Variants in PCDHA9 observed in about 807,000 individuals in gnomAD.
The protein encoded by PCDHA9 is protocadherin alpha-9.
Under a neutral mutation model 62.0 loss-of-function variants are expected in PCDHA9, and 62 were observed. That is an observed-to-expected ratio of 1.00 (90% CI 0.81 to 1.23). The LOEUF is 1.23. Ranked by LOEUF, PCDHA9 falls within the 50% of genes most tolerant of loss-of-function variation. The pLI is 0.00. For missense variants in PCDHA9, 1,205 were observed against 1,249.8 expected (o/e 0.96, Z 0.54); for synonymous variants, 557 against 567.6 (o/e 0.98, Z 0.27).
rs1214081504 is a variant in PCDHA9, at chr5:140,848,716, T to C, written c.221T>C (p.Leu74Pro). The change falls in exon 1 of 4, where the codon CTT (leucine) becomes CCT (proline). Residue 74 changes from leucine to proline, a missense_variant. Around this residue, in one of 3 missense-constraint regions of PCDHA9, gnomAD observed 208 missense variants for 213.2 expected, o/e 0.98. Coordinates refer to ENST00000532602, the MANE Select transcript of PCDHA9 (RefSeq NM_031857.2). Reference sequence around the variant, plus strand: ...TTGGATTCCAAAGGCCGCGGGGACCTTCTGGAGGTAAATCTGCAGAATGGC... The same window carrying C: ...TTGGATTCCAAAGGCCGCGGGGACCCTCTGGAGGTAAATCTGCAGAATGGC... ...FQLDSKGRGDLLEVNLQNGIL... is the reference protein window; with the variant it reads ...FQLDSKGRGDPLEVNLQNGIL... 1 of 1,592,460 alleles carries C rather than the reference T, an allele frequency of 6.3e-7. No homozygotes were observed.
intron 3 of PCDHA9, among the ~76,000 whole-genome samples, chr5:140,996,604 A>G (rs1554255259): frequency 1.3e-5 from 2 of 152,090 alleles, no homozygotes; most frequent in African/African-American, 4.8e-5. Flanking sequence ...CCCCATTTTC[A>G]TTTGGCAAAT....
At chr5:140,988,860 T>C (rs1270376752) in intron 3 of PCDHA9, 2 of 152,204 alleles carry the variant, frequency 1.3e-5, no homozygotes, top group South Asian at 2.1e-4. Flanking sequence ...TCCAGTCTCA[T>C]GTGCACTCAG....
At chr5:140,982,318 G>A (rs2096977750) in intron 2 of PCDHA9, 157 bp from the exon 3 acceptor site, 3 of 1,356,910 alleles carry the variant, frequency 2.2e-6, no homozygotes, top group Non-Finnish European at 2.9e-6. Context: ...AGTTTATGCA[G>A]GGTGACTGCT....
intron 1 of PCDHA9, among the ~76,000 whole-genome samples, chr5:140,894,375 T>G (rs1246573357): frequency 1.3e-5 from 2 of 152,054 alleles, no homozygotes; most frequent in Non-Finnish European, 2.9e-5. Context: ...ATGGCTCCAA[T>G]TATATTTGTA....
intron 1 of PCDHA9, chr5:140,868,990 G>T: frequency 6.6e-7 from 1 of 1,511,604 alleles, no homozygotes; most frequent in Non-Finnish European, 8.8e-7. Flanking sequence ...GGATGCCACC[G>T]TTTAAGGATC....
chr5:140,928,836 C>G, intron 1 of PCDHA9: 2 of 1,614,168 alleles, frequency 1.2e-6, no homozygotes, highest in South Asian at 2.2e-5. Context: ...CACTTTCCTC[C>G]TCTGTCACTC....
At chr5:140,858,289 T>A in intron 1 of PCDHA9, 2 of 1,597,184 alleles carry the variant, frequency 1.3e-6, no homozygotes, top group East Asian at 4.5e-5. Context: ...GGAGCTGGTC[T>A]TACTCGCAGC....
In PCDHA9 at chr5:140,857,092, G is replaced by A; in HGVS notation, c.2394+6203G>A. On this transcript the variant is annotated intron_variant, in intron 1 of 3. Coordinates refer to ENST00000532602, the MANE Select transcript of PCDHA9 (RefSeq NM_031857.2). ...TGGATGAAAATGATAATTCACCTGA[G>A]GTGATTGTCACTTCTCTGTCTCTCC... 5 of 1,597,300 alleles carry A rather than the reference G, an allele frequency of 3.1e-6. 1 individual carries two copies. Among genetic ancestry groups the A allele is most frequent in the Non-Finnish European group, 4.3e-6 (5 of 1,166,936 alleles).
Position 140,908,048 on chromosome 5 carries a change from C to T in PCDHA9, c.2394+57159C>T, listed in dbSNP as rs143198443. On this transcript the variant is annotated intron_variant, in intron 1 of 3. Transcript: ENST00000532602. The stretch of plus-strand genomic sequence containing the variant: ...ATTAATCAGTATATAATTGCACATC[C>T]GGCCATTTCTCCTTCATGAAAAGTG... 1.1e-3 allele frequency among the ~76,000 whole-genome samples: 169 copies of T among 152,294 alleles called. 1 individual carries two copies. The East Asian group carries it at 0.023, about 21-fold the overall frequency.
At chr5:140,943,321 G>C (rs1012061757) in intron 1 of PCDHA9, among the ~76,000 whole-genome samples, 3 of 150,454 alleles carry the variant, frequency 2.0e-5, no homozygotes, top group Non-Finnish European at 4.4e-5. Flanking sequence ...TAGCAATATT[G>C]TGTAGTATCC....
At chr5:140,981,630 A>G (rs1299640748) in intron 2 of PCDHA9, among the ~76,000 whole-genome samples, 1 of 152,110 alleles carries the variant, frequency 6.6e-6, no homozygotes, top group East Asian at 1.9e-4. Flanking sequence ...GTTTTCTTGG[A>G]CATTTTCTCT....
At chr5:140,855,966 TAAGAA>T in intron 1 of PCDHA9, 1 of 1,422,780 alleles carries the variant, frequency 7.0e-7, no homozygotes, top group Non-Finnish European at 9.5e-7. Context: ...AAAATAGATA[TAAGAA>T]ATAGGACAGA....
chr5:140,909,171 T>C (rs2074353484), intron 1 of PCDHA9, among the ~76,000 whole-genome samples: 1 of 152,208 alleles, frequency 6.6e-6, no homozygotes, highest in Non-Finnish European at 1.5e-5. Flanking sequence ...ATCAATCAAG[T>C]TCTCTCCAAA....
At chr5:140,966,641 A>C in intron 1 of PCDHA9, 5 of 1,104,534 alleles carry the variant, frequency 4.5e-6, no homozygotes, top group Non-Finnish European at 6.0e-6. Flanking sequence ...GGCGCTTTCT[A>C]GAGCGTGAGC....
At chr5:140,995,390 C>A (rs1198231096) in intron 3 of PCDHA9, among the ~76,000 whole-genome samples, 1 of 152,088 alleles carries the variant, frequency 6.6e-6, no homozygotes, top group Non-Finnish European at 1.5e-5. Flanking sequence ...CAGGATAAAG[C>A]GGGATGGCTC....
rs538891766 is a variant in PCDHA9 at position 140,931,784 on chromosome 5, A to G, written c.2395-47165A>G. The stretch of plus-strand genomic sequence containing the variant: ...TTTACTTCTTCCTGTTCAATTACCT[A>G]TTGATCTGATCTTAATTCTTTAGAA... On this transcript the variant is annotated intron_variant, in intron 1 of 3. Transcript: ENST00000532602. Among the ~76,000 whole-genome samples, 13 of 152,080 alleles carry G rather than the reference A, an allele frequency of 8.5e-5. No homozygotes were observed. In the East Asian group the frequency reaches 1.9e-3, roughly 23 times the overall value.
chr5:140,983,059 C>G (rs1325414567), intron 3 of PCDHA9, among the ~76,000 whole-genome samples: 1 of 151,980 alleles, frequency 6.6e-6, no homozygotes, highest in African/African-American at 2.4e-5. Flanking sequence ...TTATCGGAAC[C>G]AAGGCATTGT....
intron 3 of PCDHA9, among the ~76,000 whole-genome samples, chr5:140,999,171 C>T (rs1482438264): frequency 1.3e-5 from 2 of 152,054 alleles, no homozygotes; most frequent in African/African-American, 4.8e-5. Context: ...AGGAAAAGAG[C>T]CTGATGGGGA....
intron 1 of PCDHA9, among the ~76,000 whole-genome samples, chr5:140,941,011 C>T (rs1554213684): frequency 6.6e-6 from 1 of 152,124 alleles, no homozygotes; most frequent in African/African-American, 2.4e-5. Context: ...TTTTCCTTTC[C>T]TATTTTCCTT....
Sources: allele counts gnomAD v4.1 joint callset (sites outside exome capture counted in the v4.1 genomes callset), GRCh38; gene constraint gnomAD v4.1.1; regional missense constraint gnomAD v4.1.1; transcripts MANE v1.5; gene names NCBI Gene and HGNC (gene_info 2026-07-23, HGNC 2026-07-21).